Variants in BAG1 observed in about 807,000 individuals in gnomAD.
BAG1 encodes the protein BAG cochaperone 1.
BAG1 carries 35 observed loss-of-function variants against 35.5 expected under a neutral mutation model. That is an observed-to-expected ratio of 0.99 (90% CI 0.75 to 1.31). The LOEUF (loss-of-function observed/expected upper bound fraction) is 1.31. BAG1 is among the 50% of genes most tolerant of loss of function. The pLI, the probability that BAG1 is intolerant of heterozygous loss-of-function variation, is 0.00. For missense variants in BAG1, 464 were observed against 453.6 expected, an observed-to-expected ratio of 1.02 and a Z score of -0.21; for synonymous variants, 191 against 178.9, an observed-to-expected ratio of 1.07 and a Z score of -0.54.
intron 5 of BAG1, among the ~76,000 whole-genome samples, 155 bp from the exon 6 acceptor site, chr9:33,256,082 A>G (rs1820446928): frequency 6.6e-6 from 1 of 152,200 alleles, no homozygotes; most frequent in South Asian, 2.1e-4. Context: ...ATTTTCAGGA[A>G]CCCTTTCCCT....
At chr9:33,257,361 A>G (rs986934414) in intron 4 of BAG1, 1 of 156,840 alleles carries the variant, frequency 6.4e-6, no homozygotes, top group Admixed American at 6.5e-5. Flanking sequence ...TGTGAGGTAA[A>G]GGGAATATAT....
rs995828044 is a variant in BAG1, at chr9:33,264,336, G to A, written c.339C>T (p.Gly113=). Residue 113 remains glycine, a synonymous_variant, in exon 1 of 7, where the codon GGC becomes GGT. Coordinates refer to ENST00000634734, the MANE Select transcript of BAG1 (RefSeq NM_004323.6). Reference sequence around the variant, plus strand: ...CCTCCTGGCTCCGATTCATCTCTTCGCCCTGGGTCGCCTCCTCACTCTGGG... The same window carrying A: ...CCTCCTGGCTCCGATTCATCTCTTCACCCTGGGTCGCCTCCTCACTCTGGG... 6.2e-7 allele frequency: 1 copy of A among 1,612,808 alleles called. No individual in the cohort carries two copies. The highest frequency in any genetic ancestry group is 1.7e-5 in the Admixed American group (1 of 59,906).
rs925222123 is a variant in BAG1 at position 33,264,521 on chromosome 9, T to C, written c.154A>G (p.Thr52Ala). The change falls in exon 1 of 7, where the codon ACT (threonine) becomes GCT (alanine). Residue 52 changes from threonine (T) to alanine (A), a missense_variant. Physicochemically the swap from Thr to Ala is moderately conservative, Grantham distance 58. Transcript: ENST00000634734. Reference sequence around the variant, plus strand: ...GTGGGTCGGTCATGCCCGCTGGCAGTACTCCGGGCAGGTGGACGCCCAGAG... The same window carrying C: ...GTGGGTCGGTCATGCCCGCTGGCAGCACTCCGGGCAGGTGGACGCCCAGAG... 2.5e-6 allele frequency: 4 copies of C among 1,589,496 alleles called. No individual in the cohort carries two copies. In the South Asian group the frequency reaches 3.3e-5, roughly 13 times the overall value.
chr9:33,262,814 G>T lies in BAG1; in HGVS notation c.468C>A (p.Asp156Glu). ...TGCCCTGCTGGGAGGTAACATGAAGGTCGTGCTTCTCATTGCCTGGGGAGA... is the reference window on the plus strand; with the variant it reads ...TGCCCTGCTGGGAGGTAACATGAAGTTCGTGCTTCTCATTGCCTGGGGAGA... The change falls in exon 2 of 7, where the codon GAC becomes GAA. Residue 156 changes from aspartate (D) to glutamate (E), a missense_variant. Asp to Glu is a conservative substitution (Grantham distance 45). Transcript: ENST00000634734. 6.2e-7 allele frequency: 1 copy of T among 1,613,350 alleles called. No homozygotes were observed. Among genetic ancestry groups the T allele is most frequent in the Non-Finnish European group, 8.5e-7 (1 of 1,179,744 alleles).
rs1443208557 is a variant in BAG1, at chr9:33,254,733, C to G, written c.*486G>C. ...GTCACAATGAGGGATAAGTGGTCTA[C>G]TTATGTGCCAAACACCTTGTTCTAG... On this transcript the variant is annotated 3_prime_UTR_variant, in exon 7 of 7. Transcript: ENST00000634734. The G allele has an allele frequency of 7.2e-6, 2 of 276,360 alleles. No homozygotes were observed. The highest frequency in any genetic ancestry group is 1.4e-5 in the Non-Finnish European group (2 of 140,732). 17.1% of individuals were successfully genotyped at this position (276,360 alleles called of 1,614,324 possible). A position where few individuals can be genotyped will look rare whatever the true frequency, so the allele number is the denominator to read the frequency against.
chr9:33,255,750 C>T, intron 6 of BAG1, 115 bp downstream of exon 6: 1 of 1,155,974 alleles, frequency 8.7e-7, no homozygotes, highest in South Asian at 1.3e-5. Context: ...TAAATATAAC[C>T]AAAACAAGCC....
At position 33,255,345 on chromosome 9, in the gene BAG1, G is replaced by C. The variant is rs1399755769; in HGVS notation, c.949-37C>G. ...ACACGGGGCAGTAAGGGCCCATCCA[G>C]GGGTAGCCGACCACTGCCCACACAA... On this transcript the variant is annotated intron_variant, in intron 6 of 6. Coordinates refer to ENST00000634734, the MANE Select transcript of BAG1 (RefSeq NM_004323.6). 6 of 1,613,618 alleles carry C rather than the reference G, an allele frequency of 3.7e-6. No homozygotes were observed. In the Admixed American group the frequency reaches 8.3e-5, roughly 22 times the overall value.
chr9:33,263,890 C>T (rs1820637866), intron 1 of BAG1, among the ~76,000 whole-genome samples: 7 of 151,444 alleles, frequency 4.6e-5, no homozygotes, highest in Admixed American at 4.6e-4. Flanking sequence ...ACGGAGCAGT[C>T]GTAGACCACA....
At chr9:33,259,255 C>A (rs576463526) in intron 3 of BAG1, 4 of 350,842 alleles carry the variant, frequency 1.1e-5, no homozygotes, top group Non-Finnish European at 2.1e-5. Context: ...CCTAGCTACT[C>A]GGGAGGCTGA....
intron 2 of BAG1, chr9:33,262,350 A>G: frequency 1.7e-6 from 2 of 1,190,432 alleles, no homozygotes; most frequent in South Asian, 3.1e-5. Context: ...CATAAGGAAA[A>G]GCCGGAAAAG....
intron 2 of BAG1, 128 bp from the exon 3 acceptor site, chr9:33,261,297 T>TG: frequency 1.7e-6 from 1 of 585,588 alleles, no homozygotes. Flanking sequence ...GAGGGTGTCA[T>TG]GACCCAGTAA....
intron 2 of BAG1, chr9:33,261,781 C>G: frequency 1.3e-6 from 1 of 773,262 alleles, no homozygotes; most frequent in Non-Finnish European, 1.6e-6. Context: ...CCAGTGGATA[C>G]CAGAATGATA....
chr9:33,261,801 G>A (rs571635641), intron 2 of BAG1: 8 of 851,012 alleles, frequency 9.4e-6, no homozygotes, highest in Non-Finnish European at 1.1e-5. Flanking sequence ...AGATTCTCAG[G>A]GGGGTGGGAA....
At position 33,255,164 on chromosome 9, in the gene BAG1, C is replaced by A. The variant is rs1364957026; in HGVS notation, c.*55G>T. On this transcript the variant is annotated 3_prime_UTR_variant, in exon 7 of 7. Coordinates refer to ENST00000634734, the MANE Select transcript of BAG1 (RefSeq NM_004323.6). The stretch of plus-strand genomic sequence containing the variant: ...AATCAGGTAAATTCCGCTCCAGAGA[C>A]GGCAGAGCTGGTGGCGCCATTCTTC... 1 of 1,614,038 alleles carries A rather than the reference C, an allele frequency of 6.2e-7. No homozygotes were observed. The highest frequency in any genetic ancestry group is 8.5e-7 in the Non-Finnish European group (1 of 1,179,990).
rs754695010 is a variant in BAG1, at chr9:33,258,915, G to C, written c.777+5C>G. 2.5e-6 allele frequency: 4 copies of C among 1,611,320 alleles called. No individual in the cohort carries two copies. The South Asian group carries it at 3.3e-5, about 13-fold the overall frequency. ...CAGAAAGTTAAGGTCCATGAAGAGA[G>C]TTACCTGCTGGATTCCAGTAAGCTC... On this transcript the variant is annotated splice_donor_5th_base_variant and intron_variant, in intron 4 of 6. Coordinates refer to ENST00000634734, the MANE Select transcript of BAG1 (RefSeq NM_004323.6).
intron 6 of BAG1, 22 bp downstream of exon 6, chr9:33,255,843 C>A: frequency 6.2e-7 from 1 of 1,601,536 alleles, no homozygotes; most frequent in South Asian, 1.1e-5. Context: ...TACACCTTGT[C>A]GTGCACTATT....
At position 33,255,310 on chromosome 9, in the gene BAG1, T is replaced by C; in HGVS notation, c.949-2A>G. The stretch of plus-strand genomic sequence containing the variant: ...TGTGTCACACTCGGCTAGGAATGCC[T>C]AGAAAATACACACGGGGCAGTAAGG... On this transcript the variant is annotated splice_acceptor_variant, in intron 6 of 6. Transcript: ENST00000634734. LOFTEE classifies it high-confidence loss of function. 1 of 1,614,150 alleles carries C rather than the reference T, an allele frequency of 6.2e-7. No homozygotes were observed. Among genetic ancestry groups the C allele is most frequent in the Non-Finnish European group, 8.5e-7 (1 of 1,180,014 alleles).
At chr9:33,261,974 A>G (rs1820580566) in intron 2 of BAG1, 15 of 1,185,614 alleles carry the variant, frequency 1.3e-5, no homozygotes, top group Non-Finnish European at 1.4e-5. Flanking sequence ...ACCCTCACGG[A>G]GGCTGTTATT....
In BAG1 at chr9:33,255,900, T is replaced by C; in HGVS notation, c.913A>G (p.Arg305Gly). The C allele has an allele frequency of 2.5e-6, 4 of 1,614,096 alleles. No homozygotes were observed. Among genetic ancestry groups the C allele is most frequent in the Non-Finnish European group, 3.4e-6 (4 of 1,179,902 alleles). ...TTTACCAAGCCTTTCCTTTTCAATC[T>C]ACTGTCTTTGAAATTTTCTGGCAGG... is the stretch of plus-strand genomic sequence containing the variant. The change falls in exon 6 of 7, where the codon AGA becomes GGA. Residue 305 changes from arginine to glycine, a missense_variant. Transcript: ENST00000634734.
Sources: allele counts gnomAD v4.1 joint callset (sites outside exome capture counted in the v4.1 genomes callset), GRCh38; gene constraint gnomAD v4.1.1; transcripts MANE v1.5; gene names NCBI Gene and HGNC (gene_info 2026-07-23, HGNC 2026-07-21).